The following TACC1 variants were observed in gnomAD, a reference collection of about 807,000 sequenced individuals.
TACC1 encodes the protein transforming acidic coiled-coil containing protein 1, also known as transforming acidic coiled-coil-containing protein 1.
In TACC1, 48 loss-of-function variants were observed where a neutral mutation model predicts 84.4. That is an observed-to-expected ratio of 0.57 (90% CI 0.45 to 0.72). TACC1 has a LOEUF of 0.72. Among genes scored for constraint, TACC1 ranks in the 30% least tolerant of loss-of-function variants. The probability of loss-of-function intolerance (pLI) is 0.00; values close to 1 mark genes in which losing one functional copy is unlikely to be tolerated. For missense variants in TACC1, 920 were observed against 973.0 expected, an observed-to-expected ratio of 0.95 and a Z score of 0.72; for synonymous variants, 372 against 376.3, an observed-to-expected ratio of 0.99 and a Z score of 0.13.
chr8:38,758,678 CAAAAAAAAAA>C (rs773304871), intron 3 of TACC1, among the ~76,000 whole-genome samples: 2 of 26,084 alleles, frequency 7.7e-5, no homozygotes, highest in African/African-American at 1.8e-4. Flanking sequence ...GACTCCATCT[CAAAAAAAAAA>C]AAAAAAAAAA....
chr8:38,792,811 G>A (rs1322943355), intron 2 of TACC1, among the ~76,000 whole-genome samples: 1 of 151,412 alleles, frequency 6.6e-6, no homozygotes, highest in African/African-American at 2.4e-5. Flanking sequence ...TGTTGCCTAG[G>A]CTGATCTCGA....
chr8:38,793,429 T>C (rs1198375703), intron 2 of TACC1, among the ~76,000 whole-genome samples: 1 of 152,068 alleles, frequency 6.6e-6, no homozygotes, highest in Non-Finnish European at 1.5e-5. Context: ...TGTGTGAAAA[T>C]AATGTGAAAT....
At chr8:38,747,596 T>C (rs1260697512) in intron 3 of TACC1, among the ~76,000 whole-genome samples, 1 of 152,100 alleles carries the variant, frequency 6.6e-6, no homozygotes, top group Non-Finnish European at 1.5e-5. Context: ...AAAAGCCAAT[T>C]TGAAAGGGCT....
intron 2 of TACC1, among the ~76,000 whole-genome samples, chr8:38,818,702 T>G (rs929086810): frequency 6.6e-6 from 1 of 152,322 alleles, no homozygotes; most frequent in South Asian, 2.1e-4. Context: ...AGAGAGATGA[T>G]TCTGAGCTGG....
At chr8:38,742,446 T>C in exon 2 of TACC1, 1 of 1,529,490 alleles carries the variant, frequency 6.5e-7, no homozygotes, top group African/African-American at 1.4e-5. Flanking sequence ...AGACAAACCA[T>C]CAAAGGTAAT....
At chr8:38,817,189 CATT>C (rs150978730) in intron 2 of TACC1, among the ~76,000 whole-genome samples, 3,622 of 152,298 alleles carry the variant, frequency 0.024, 131 homozygotes, top group African/African-American at 0.075. Context: ...AATCAAGACT[CATT>C]GTTGTACAAC....
intron 3 of TACC1, among the ~76,000 whole-genome samples, chr8:38,821,007 AC>A (rs766690763): frequency 1.1e-4 from 16 of 152,022 alleles, no homozygotes; most frequent in Non-Finnish European, 2.1e-4. Context: ...AGAGTTTGAG[AC>A]CAGTCTGACC....
intron 2 of TACC1, among the ~76,000 whole-genome samples, chr8:38,810,159 C>T (rs1823733169): frequency 6.6e-6 from 1 of 151,754 alleles, no homozygotes; most frequent in Admixed American, 6.6e-5. Flanking sequence ...AAGCAAATTC[C>T]AGATATCATG....
intron 3 of TACC1, among the ~76,000 whole-genome samples, chr8:38,751,264 A>G (rs1033170075): frequency 3.9e-5 from 6 of 152,314 alleles, no homozygotes; most frequent in Admixed American, 1.3e-4. Context: ...TATTGGATGC[A>G]CCATTCAGCT....
rs1051874796 is a variant in TACC1, at chr8:38,850,300, T to G, written c.*2277T>G. 9 of 152,214 alleles carry G rather than the reference T, an allele frequency of 5.9e-5. No homozygotes were observed. Among genetic ancestry groups the G allele is most frequent in the Non-Finnish European group, 8.8e-5 (6 of 68,036 alleles). 9.4% of individuals were successfully genotyped at this position (152,214 alleles called of 1,614,324 possible). A position where few individuals can be genotyped will look rare whatever the true frequency, so the allele number is the denominator to read the frequency against. On this transcript the variant is annotated 3_prime_UTR_variant, in exon 13 of 13. Coordinates refer to ENST00000317827, the MANE Select transcript of TACC1 (RefSeq NM_006283.3). ...CCCCCATTCGAACTTAACAGATGCC[T>G]CCTCTCCAAAGAGAATTAAAATCGT...
chr8:38,817,236 G>A (rs754787923), intron 2 of TACC1, among the ~76,000 whole-genome samples: 1 of 152,154 alleles, frequency 6.6e-6, no homozygotes, highest in Non-Finnish European at 1.5e-5. Flanking sequence ...GTTGTACATG[G>A]AAACACATGG....
At chr8:38,815,756 G>C (rs1825294610) in intron 2 of TACC1, among the ~76,000 whole-genome samples, 1 of 152,028 alleles carries the variant, frequency 6.6e-6, no homozygotes, top group Admixed American at 6.6e-5. Context: ...TATTATAGTT[G>C]TAAAGATTAA....
At chr8:38,753,278 T>G (rs959021572) in intron 3 of TACC1, among the ~76,000 whole-genome samples, 1 of 152,140 alleles carries the variant, frequency 6.6e-6, no homozygotes, top group East Asian at 1.9e-4. Context: ...TTATTTTTTA[T>G]TTTTTGTAGA....
chr8:38,739,465 T>C (rs6993849), intron 1 of TACC1, among the ~76,000 whole-genome samples: 6,855 of 152,298 alleles, frequency 0.045, 515 homozygotes, highest in African/African-American at 0.15. Flanking sequence ...CAGTTTCTTT[T>C]GCCTTTCGTC....
chr8:38,823,585 A>G (rs1357771220), intron 3 of TACC1, among the ~76,000 whole-genome samples: 1 of 152,228 alleles, frequency 6.6e-6, no homozygotes, highest in Non-Finnish European at 1.5e-5. Flanking sequence ...ACCCTCACCC[A>G]GTAGCCTTTT....
intron 1 of TACC1, among the ~76,000 whole-genome samples, chr8:38,733,210 T>G (rs1178989628): frequency 6.6e-6 from 1 of 152,010 alleles, no homozygotes; most frequent in African/African-American, 2.4e-5. Context: ...TCAGTCACAC[T>G]CTAACAAGAC....
chr8:38,793,770 C>T (rs1316936482), intron 2 of TACC1, among the ~76,000 whole-genome samples: 3 of 152,244 alleles, frequency 2.0e-5, no homozygotes, highest in Non-Finnish European at 4.4e-5. Flanking sequence ...TATTGGAATA[C>T]AGCCATACTC....
At chr8:38,759,951 C>G (rs2151805954) in intron 3 of TACC1, among the ~76,000 whole-genome samples, 1 of 152,236 alleles carries the variant, frequency 6.6e-6, no homozygotes, top group Admixed American at 6.5e-5. Flanking sequence ...TCCTGCCGAA[C>G]ATATGGCTGT....
rs1304626141 is a variant in TACC1, at chr8:38,842,461, T to TC, written c.2121+17dup. ...GGGTTCAAGAAGGTAGAGTGTTTTT[T>TC]CCCTCTGTCTCCTGGTGTATTTCCA... On this transcript the variant is annotated intron_variant, in intron 10 of 12. Transcript: ENST00000317827. 6.3e-7 allele frequency: 1 copy of TC among 1,595,310 alleles called. No individual in the cohort carries two copies. The highest frequency in any genetic ancestry group is 2.2e-5 in the East Asian group (1 of 44,646).
Sources: gnomAD v4.1 joint callset for allele counts (sites outside exome capture counted in the v4.1 genomes callset) on GRCh38, gnomAD v4.1.1 for gene constraint, MANE v1.5 for transcripts, NCBI Gene and HGNC (gene_info 2026-07-23, HGNC 2026-07-21) for gene names.